TCF12: variants seen among roughly 807,000 people sequenced by gnomAD.
TCF12 encodes the protein transcription factor 12.
A neutral mutation model predicts 86.0 loss-of-function variants in TCF12; 45 were observed. That is an observed-to-expected ratio of 0.52 (90% CI 0.41 to 0.67). The LOEUF is 0.67. Ranked by LOEUF, TCF12 falls within the 30% of genes least tolerant of loss-of-function variation. The pLI is 0.00. For missense variants in TCF12, 881 were observed against 859.9 expected (o/e 1.02, Z -0.31); for synonymous variants, 330 against 299.6 (o/e 1.10, Z -1.05).
chr15:56,976,827 G>A (rs1471814631), intron 3 of TCF12, among the ~76,000 whole-genome samples: 1 of 152,052 alleles, frequency 6.6e-6, no homozygotes, highest in Non-Finnish European at 1.5e-5. Flanking sequence ...GCTGTTAGTA[G>A]CAAGAAAAAT....
rs2062021486 is a variant in TCF12 at position 57,289,042 on chromosome 15, C to A, written c.*2897C>A. On this transcript the variant is annotated 3_prime_UTR_variant, in exon 21 of 21. Coordinates refer to ENST00000333725, the MANE Select transcript of TCF12 (RefSeq NM_207037.2). Reference sequence around the variant, plus strand: ...TTATCCATGAGGACTTCATGCCAAGCAAGAACCTCAAACAAACTAGACAAA... The same window carrying A: ...TTATCCATGAGGACTTCATGCCAAGAAAGAACCTCAAACAAACTAGACAAA... 1 of 152,122 alleles carries A rather than the reference C, an allele frequency of 6.6e-6. No homozygotes were observed. Among genetic ancestry groups the A allele is most frequent in the Non-Finnish European group, 1.5e-5 (1 of 68,016 alleles). The allele number at this position is 152,122 out of a possible 1,614,324, so 9.4% of individuals were successfully genotyped here.
chr15:57,282,345 A>T, intron 19 of TCF12, 100 bp from the exon 20 acceptor site: 5 of 1,393,538 alleles, frequency 3.6e-6, no homozygotes, highest in Non-Finnish European at 5.0e-6. Flanking sequence ...GGTACTTAGT[A>T]TGGGAATGAA....
chr15:57,063,817 A>T lies in TCF12; in HGVS notation c.216A>T (p.Ser72=), dbSNP rs2068643361. Residue 72 remains serine (S), a synonymous_variant, in exon 4 of 21, where the codon TCA becomes TCT. Coordinates refer to ENST00000333725, the MANE Select transcript of TCF12 (RefSeq NM_207037.2). ...GTCAACCAAGTCCTTCCTATGATTC[A>T]TCTAGAGTAAGTTTGCTGATCAACC... ...TSGQPSPSYD[S]SRGFTDSPHY... 1.3e-6 allele frequency: 2 copies of T among 1,596,020 alleles called. No homozygotes were observed. Among genetic ancestry groups the T allele is most frequent in the African/African-American group, 2.7e-5 (2 of 74,764 alleles).
At chr15:56,990,934 A>G (rs2063426376) in intron 3 of TCF12, among the ~76,000 whole-genome samples, 1 of 151,940 alleles carries the variant, frequency 6.6e-6, no homozygotes, top group African/African-American at 2.4e-5. Flanking sequence ...AGCTGGGGCC[A>G]CAGATGTGCA....
chr15:57,095,237 C>T (rs183697630), intron 5 of TCF12, among the ~76,000 whole-genome samples: 1 of 152,280 alleles, frequency 6.6e-6, no homozygotes, highest in Non-Finnish European at 1.5e-5. Context: ...AGCAGTGAAT[C>T]CCATGGTCAT....
chr15:57,089,188 G>A (rs1198437805), intron 4 of TCF12, among the ~76,000 whole-genome samples: 3 of 152,234 alleles, frequency 2.0e-5, no homozygotes, highest in Non-Finnish European at 4.4e-5. Flanking sequence ...CTCTTGGACA[G>A]TGGCTTTTAA....
chr15:57,139,436 G>A (rs553645305), intron 5 of TCF12, among the ~76,000 whole-genome samples: 70 of 152,190 alleles, frequency 4.6e-4, no homozygotes, highest in Middle Eastern at 3.4e-3. Flanking sequence ...CAGTTTAAGG[G>A]TGTTAGCGGT....
intron 8 of TCF12, among the ~76,000 whole-genome samples, chr15:57,228,535 C>G (rs2058990047): frequency 6.6e-6 from 1 of 151,976 alleles, no homozygotes; most frequent in Non-Finnish European, 1.5e-5. Context: ...GCCATTTTCT[C>G]CATACAACTT....
intron 5 of TCF12, among the ~76,000 whole-genome samples, chr15:57,160,282 A>G (rs763598351): frequency 1.3e-5 from 2 of 152,192 alleles, no homozygotes; most frequent in Non-Finnish European, 2.9e-5. Flanking sequence ...AAGCAAACAC[A>G]TCCTTCTTCA....
At chr15:57,016,200 A>G (rs924758500) in intron 3 of TCF12, among the ~76,000 whole-genome samples, 1 of 152,184 alleles carries the variant, frequency 6.6e-6, no homozygotes, top group African/African-American at 2.4e-5. Context: ...TTTTATCTCT[A>G]AAAGGTATTC....
intron 5 of TCF12, among the ~76,000 whole-genome samples, chr15:57,092,999 C>T (rs1158993999): frequency 6.6e-6 from 1 of 152,104 alleles, no homozygotes; most frequent in African/African-American, 2.4e-5. Context: ...ATCTGATAGT[C>T]TAGTGTGGAT....
At chr15:57,097,389 C>T (rs2049400091) in intron 5 of TCF12, among the ~76,000 whole-genome samples, 1 of 151,860 alleles carries the variant, frequency 6.6e-6, no homozygotes, top group African/African-American at 2.4e-5. Flanking sequence ...ATTAGCCAGG[C>T]ATGGTGGCAC....
At chr15:57,258,751 A>C (rs541735438) in intron 16 of TCF12, among the ~76,000 whole-genome samples, 1 of 152,326 alleles carries the variant, frequency 6.6e-6, no homozygotes, top group South Asian at 2.1e-4. Flanking sequence ...AGGCTACCCT[A>C]TATAATGATT....
chr15:57,172,083 C>A (rs79724754), intron 6 of TCF12, among the ~76,000 whole-genome samples: 2 of 152,038 alleles, frequency 1.3e-5, no homozygotes, highest in African/African-American at 2.4e-5. Context: ...TGGAGATAAG[C>A]TTATACCATT....
Position 57,091,895 on chromosome 15 carries a change from A to G in TCF12, c.325+4A>G, listed in dbSNP as rs1208215117. 6.2e-7 allele frequency: 1 copy of G among 1,611,634 alleles called. No individual in the cohort carries two copies. Among genetic ancestry groups the G allele is most frequent in the Non-Finnish European group, 8.5e-7 (1 of 1,177,914 alleles). ...TTCATGAACTCAAATCTGATGGGTA[A>G]GTTGGTAATTCTCTGCAAGTAGTCT... On this transcript the variant is annotated splice_donor_region_variant and intron_variant, in intron 5 of 20. Transcript: ENST00000333725.
chr15:57,151,111 A>AG (rs2053721576), intron 5 of TCF12, among the ~76,000 whole-genome samples: 1 of 150,192 alleles, frequency 6.7e-6, no homozygotes, highest in Non-Finnish European at 1.5e-5. Flanking sequence ...CCAAGTAGCT[A>AG]GGACTGCAAG....
intron 5 of TCF12, among the ~76,000 whole-genome samples, chr15:57,142,884 A>G (rs573095500): frequency 1.1e-4 from 17 of 152,310 alleles, no homozygotes; most frequent in East Asian, 7.7e-4. Context: ...GGGACATTCT[A>G]AGCTACAGTA....
At chr15:57,120,915 A>T (rs1362842615) in intron 5 of TCF12, among the ~76,000 whole-genome samples, 2 of 152,182 alleles carry the variant, frequency 1.3e-5, no homozygotes, top group Non-Finnish European at 2.9e-5. Context: ...CAGGAGATTG[A>T]GGCTATAGTG....
chr15:56,932,107 G>T (rs1290227888), intron 3 of TCF12, among the ~76,000 whole-genome samples: 2 of 152,134 alleles, frequency 1.3e-5, no homozygotes, highest in Non-Finnish European at 2.9e-5. Context: ...TGACTCTGGA[G>T]ACTTGCCAAA....
Sources: gnomAD v4.1 joint callset for allele counts (sites outside exome capture counted in the v4.1 genomes callset) on GRCh38, gnomAD v4.1.1 for gene constraint, MANE v1.5 for transcripts, NCBI Gene and HGNC (gene_info 2026-07-23, HGNC 2026-07-21) for gene names.